The following BLK variants were observed in gnomAD, a reference collection of about 807,000 sequenced individuals.
BLK encodes tyrosine-protein kinase Blk.
Under a neutral mutation model 61.8 loss-of-function variants are expected in BLK, and 64 were observed. The observed-to-expected ratio is 1.03, with a 90% CI of 0.85 to 1.27. The LOEUF is 1.27. Ranked by LOEUF, BLK falls within the 50% of genes most tolerant of loss-of-function variation. The probability of loss-of-function intolerance (pLI) is 0.00; values close to 1 mark genes in which losing one functional copy is unlikely to be tolerated. For missense variants in BLK, 853 were observed against 660.5 expected, an observed-to-expected ratio of 1.29 and a Z score of -3.19; for synonymous variants, 351 against 272.0, an observed-to-expected ratio of 1.29 and a Z score of -2.86.
chr8:11,557,673 T>A (rs1801298039), intron 9 of BLK, among the ~76,000 whole-genome samples: 1 of 152,146 alleles, frequency 6.6e-6, no homozygotes, highest in Non-Finnish European at 1.5e-5. Flanking sequence ...GGGGTCCCAC[T>A]CCCAGCTCCC....
At chr8:11,530,710 A>G (rs938650373) in intron 1 of BLK, among the ~76,000 whole-genome samples, 13 of 105,226 alleles carry the variant, frequency 1.2e-4, no homozygotes, top group Non-Finnish European at 1.9e-4. Flanking sequence ...TCTGAAAAAC[A>G]AAACAAAAAG....
At chr8:11,512,560 G>A (rs1194240245) in intron 1 of BLK, among the ~76,000 whole-genome samples, 1 of 152,186 alleles carries the variant, frequency 6.6e-6, no homozygotes. Flanking sequence ...TTTAAGGCAG[G>A]CAGAAAACAT....
chr8:11,516,331 C>T (rs113758859), intron 1 of BLK, among the ~76,000 whole-genome samples: 126 of 152,318 alleles, frequency 8.3e-4, no homozygotes, highest in African/African-American at 2.8e-3. Context: ...TAGACCACAC[C>T]GCACAGTGGA....
Position 11,557,288 on chromosome 8 carries a change from G to A in BLK, c.952+451G>A, listed in dbSNP as rs191196509. Among the ~76,000 whole-genome samples the A allele has an allele frequency of 2.6e-4, 40 of 152,296 alleles. 2 individuals carry two copies. The East Asian group carries it at 7.5e-3, about 29-fold the overall frequency. ...GGGCTTGATGGCCTCTGAGGTCCAC[G>A]GCGTGGCCAAGTTCTCATGCCACTT... is the stretch of plus-strand genomic sequence containing the variant. On this transcript the variant is annotated intron_variant, in intron 9 of 12. Transcript: ENST00000259089.
intron 1 of BLK, among the ~76,000 whole-genome samples, chr8:11,510,876 A>G (rs1798975835): frequency 6.6e-6 from 1 of 152,186 alleles, no homozygotes; most frequent in African/African-American, 2.4e-5. Flanking sequence ...TTTTTTAACC[A>G]AAGCTAATTG....
At chr8:11,550,946 G>A (rs1345198197) in intron 6 of BLK, among the ~76,000 whole-genome samples, 1 of 152,172 alleles carries the variant, frequency 6.6e-6, no homozygotes, top group East Asian at 1.9e-4. Context: ...TGTAATGACA[G>A]CCAAGAGAAA....
chr8:11,537,187 C>T (rs1287417649), intron 1 of BLK, among the ~76,000 whole-genome samples: 1 of 152,156 alleles, frequency 6.6e-6, no homozygotes, highest in Non-Finnish European at 1.5e-5. Context: ...TCTTTGGCCC[C>T]TTCTTTAATT....
intron 11 of BLK, 60 bp from the exon 12 acceptor site, chr8:11,562,918 AG>A (rs1801558193): frequency 6.2e-7 from 1 of 1,609,388 alleles, no homozygotes; most frequent in Admixed American, 1.7e-5. Flanking sequence ...GGTAGGGGTG[AG>A]GATGGAGGGT....
chr8:11,550,052 G>A, intron 5 of BLK, 107 bp from the exon 6 acceptor site: 1 of 1,031,648 alleles, frequency 9.7e-7, no homozygotes, highest in Non-Finnish European at 1.5e-6. Flanking sequence ...GACCAGAAAT[G>A]CTAGATTTTT....
intron 9 of BLK, 102 bp downstream of exon 9, chr8:11,556,939 C>A (rs763928613): frequency 2.3e-6 from 3 of 1,324,196 alleles, no homozygotes; most frequent in South Asian, 2.6e-5. Flanking sequence ...GCCAGGGGGT[C>A]CTGCAGATCT....
chr8:11,528,533 T>A (rs1799763352), intron 1 of BLK, among the ~76,000 whole-genome samples: 1 of 152,000 alleles, frequency 6.6e-6, no homozygotes. Flanking sequence ...CACCCCTCAA[T>A]CCTGAGGTGT....
intron 1 of BLK, among the ~76,000 whole-genome samples, chr8:11,531,701 G>T (rs1051233931): frequency 1.3e-5 from 2 of 152,120 alleles, no homozygotes; most frequent in East Asian, 1.9e-4. Flanking sequence ...TTCTGACTGC[G>T]TGCTAATTTC....
At chr8:11,521,436 G>A (rs147213041) in intron 1 of BLK, among the ~76,000 whole-genome samples, 139 of 152,192 alleles carry the variant, frequency 9.1e-4, no homozygotes, top group African/African-American at 3.2e-3. Flanking sequence ...GACTACAGGC[G>A]TACATCACCA....
At chr8:11,518,414 C>T (rs940192562) in intron 1 of BLK, among the ~76,000 whole-genome samples, 1 of 152,184 alleles carries the variant, frequency 6.6e-6, no homozygotes, top group Non-Finnish European at 1.5e-5. Flanking sequence ...CACAGACACC[C>T]CACTGTAGGT....
intron 1 of BLK, among the ~76,000 whole-genome samples, chr8:11,525,777 T>C (rs1366089174): frequency 6.6e-6 from 1 of 152,138 alleles, no homozygotes; most frequent in Non-Finnish European, 1.5e-5. Flanking sequence ...CAGAGTCTCA[T>C]TCTGCCGCCC....
At chr8:11,555,785 C>G in intron 8 of BLK, 1 of 460,554 alleles carries the variant, frequency 2.2e-6, no homozygotes, top group South Asian at 2.0e-5. Flanking sequence ...GCTGCAGCGG[C>G]GCGTTAACTC....
In BLK at chr8:11,564,097, C is replaced by T. The variant is rs1179651470; in HGVS notation, c.1507C>T (p.Leu503=). ...FYTATERQYE[L]QP is the part of the protein sequence containing the mutation. ...CACGGCCACCGAGCGGCAGTACGAG[C>T]TGCAGCCCTAGCCGGCCGCGCCCGC... is the stretch of plus-strand genomic sequence containing the variant. The change falls in exon 13 of 13, where the codon CTG becomes TTG. Residue 503 remains leucine, a synonymous_variant. Coordinates refer to ENST00000259089, the MANE Select transcript of BLK (RefSeq NM_001715.3). 2 of 1,576,498 alleles carry T rather than the reference C, an allele frequency of 1.3e-6. No homozygotes were observed.
At chr8:11,558,741 G>C (rs892665250) in intron 10 of BLK, 2 of 456,082 alleles carry the variant, frequency 4.4e-6, no homozygotes, top group African/African-American at 4.0e-5. Context: ...AAGCACATCT[G>C]GTGGCCCTGT....
chr8:11,553,577 C>CACA lies in BLK; in HGVS notation c.473-1165_473-1164insCAA, dbSNP rs201168032. ...TCGCCCGAGGCACCCGACACAAGTG[C>CACA]AGCCTACAAAATGGAGAGAAAAGCC... On this transcript the variant is annotated intron_variant, in intron 6 of 12. Transcript: ENST00000259089. The CACA allele has an allele frequency of 4.1e-3, 873 of 215,500 alleles. 8 individuals are homozygous for CACA. The highest frequency in any genetic ancestry group is 9.3e-3 in the Middle Eastern group (5 of 538). 13.3% of individuals were successfully genotyped at this position (215,500 alleles called of 1,614,324 possible).
Sources: gnomAD v4.1 joint callset for allele counts (sites outside exome capture counted in the v4.1 genomes callset) on GRCh38, gnomAD v4.1.1 for gene constraint, MANE v1.5 for transcripts, NCBI Gene and HGNC (gene_info 2026-07-23, HGNC 2026-07-21) for gene names.